ALPK2: variants seen among roughly 807,000 people sequenced by gnomAD.
The protein encoded by ALPK2 is alpha kinase 2, also known as alpha-protein kinase 2.
A neutral mutation model predicts 163.1 loss-of-function variants in ALPK2; 127 were observed. The ratio of observed to expected loss-of-function variants is 0.78; its 90% CI spans 0.67 to 0.90. ALPK2 has a LOEUF of 0.90. Ranked by LOEUF, ALPK2 falls within the 40% of genes least tolerant of loss-of-function variation. The pLI is 0.00. For synonymous variants in ALPK2, 953 were observed against 959.1 expected, an observed-to-expected ratio of 0.99 and a Z score of 0.12; for missense variants, 2,360 against 2,589.6, an observed-to-expected ratio of 0.91 and a Z score of 1.92.
chr18:58,538,827 G>GT (rs201703401), intron 4 of ALPK2, among the ~76,000 whole-genome samples: 126 of 152,208 alleles, frequency 8.3e-4, no homozygotes, highest in African/African-American at 2.8e-3. Context: ...TCCCTCAGGG[G>GT]TGGGGGGAAT....
chr18:58,583,590 A>G (rs12455005), intron 3 of ALPK2, among the ~76,000 whole-genome samples: 47,977 of 151,818 alleles, frequency 0.32, 8,290 homozygotes, highest in East Asian at 0.59. Context: ...GAAGTGGGAG[A>G]ATCAGTTGAG....
intron 1 of ALPK2, among the ~76,000 whole-genome samples, chr18:58,624,838 C>T (rs796083447): frequency 1.2e-4 from 18 of 152,308 alleles, no homozygotes; most frequent in African/African-American, 4.3e-4. Context: ...TTTGGCTCTC[C>T]ATTCCAGATC....
At position 58,622,302 on chromosome 18, in the gene ALPK2, G is replaced by T. The variant is rs145555193; in HGVS notation, c.-21+6462C>A. The stretch of plus-strand genomic sequence containing the variant: ...ATGGAGGTTATAGTGAGCCGAGATC[G>T]CACCATTGCACTCCAGCCTGGCCAA... On this transcript the variant is annotated intron_variant, in intron 1 of 12. Coordinates refer to ENST00000361673, the MANE Select transcript of ALPK2 (RefSeq NM_052947.4). Among the ~76,000 whole-genome samples, 323 of 152,120 alleles carry T rather than the reference G, an allele frequency of 2.1e-3. 1 individual carries two copies. The highest frequency in any genetic ancestry group is 7.3e-3 in the African/African-American group (304 of 41,470).
At chr18:58,576,115 TGTAATCC>T (rs1323408689) in intron 4 of ALPK2, among the ~76,000 whole-genome samples, 1 of 152,188 alleles carries the variant, frequency 6.6e-6, no homozygotes, top group Non-Finnish European at 1.5e-5. Flanking sequence ...GGCTCATGCC[TGTAATCC>T]CAGCACTTTG....
chr18:58,587,519 GA>G (rs1311986904), intron 3 of ALPK2, among the ~76,000 whole-genome samples: 2 of 152,130 alleles, frequency 1.3e-5, no homozygotes, highest in Non-Finnish European at 2.9e-5. Flanking sequence ...AAAAAAGTAT[GA>G]GAATGGTGTT....
chr18:58,515,840 T>G (rs112980724), intron 9 of ALPK2, among the ~76,000 whole-genome samples: 57 of 152,344 alleles, frequency 3.7e-4, no homozygotes, highest in African/African-American at 1.3e-3. Flanking sequence ...TTTAGATGTT[T>G]ATGGTAAACA....
chr18:58,604,715 G>C (rs940090187), intron 3 of ALPK2, among the ~76,000 whole-genome samples: 1 of 152,174 alleles, frequency 6.6e-6, no homozygotes, highest in Non-Finnish European at 1.5e-5. Context: ...TTTCAAAATG[G>C]CAGCCCAGGA....
At chr18:58,506,666 T>C (rs1016032308) in intron 10 of ALPK2, among the ~76,000 whole-genome samples, 2 of 152,158 alleles carry the variant, frequency 1.3e-5, no homozygotes, top group Non-Finnish European at 2.9e-5. Flanking sequence ...GCCCAGCACA[T>C]AGTAAATGCT....
intron 10 of ALPK2, among the ~76,000 whole-genome samples, chr18:58,510,455 A>C (rs1028530653): frequency 4.6e-5 from 7 of 152,188 alleles, no homozygotes; most frequent in African/African-American, 1.7e-4. Context: ...GACGGCATTG[A>C]ATCTATAAAT....
chr18:58,494,067 T>C (rs967664109), intron 12 of ALPK2, among the ~76,000 whole-genome samples: 1 of 152,196 alleles, frequency 6.6e-6, no homozygotes, highest in Non-Finnish European at 1.5e-5. Flanking sequence ...TCGGCTCCAC[T>C]GCACGCATGG....
chr18:58,537,141 C>T lies in ALPK2; in HGVS notation c.3046G>A (p.Glu1016Lys), dbSNP rs184186856. 2.0e-5 allele frequency: 33 copies of T among 1,614,002 alleles called. No individual in the cohort carries two copies. Among genetic ancestry groups the T allele is most frequent in the Middle Eastern group, 3.3e-4 (2 of 6,060 alleles). Residue 1016 changes from glutamate (E) to lysine (K), a missense_variant, in exon 5 of 13, where the codon GAA becomes AAA. By Grantham distance (56) the Glu-to-Lys change is moderately conservative. Transcript: ENST00000361673. ...EDTSTVTIAT[E>K]VHPAKYLAVS... The stretch of plus-strand genomic sequence containing the variant: ...GCAAGGTATTTGGCTGGGTGGACTT[C>T]GGTGGCAATGGTAACAGTTGATGTG...
intron 12 of ALPK2, among the ~76,000 whole-genome samples, chr18:58,494,038 A>G (rs1009211846): frequency 2.0e-5 from 3 of 152,104 alleles, no homozygotes; most frequent in African/African-American, 7.2e-5. Flanking sequence ...CTGGCTGGAG[A>G]GAAGCATGAG....
chr18:58,612,194 C>T (rs1281982956), intron 1 of ALPK2, among the ~76,000 whole-genome samples: 1 of 152,126 alleles, frequency 6.6e-6, no homozygotes, highest in East Asian at 1.9e-4. Context: ...CCAGAGCACC[C>T]AGAGTTCCAA....
intron 3 of ALPK2, among the ~76,000 whole-genome samples, chr18:58,585,365 T>G (rs921214680): frequency 2.0e-5 from 3 of 152,224 alleles, no homozygotes; most frequent in Non-Finnish European, 2.9e-5. Flanking sequence ...AATATATTTT[T>G]CCAAGGCAAA....
chr18:58,497,955 A>ATTCACT, intron 12 of ALPK2, 94 bp downstream of exon 12: 3 of 1,119,178 alleles, frequency 2.7e-6, no homozygotes, highest in Admixed American at 1.8e-5. Context: ...AGGACAAGAA[A>ATTCACT]TTCACTTTGC....
intron 10 of ALPK2, among the ~76,000 whole-genome samples, chr18:58,511,144 C>T (rs2051488091): frequency 6.6e-6 from 1 of 152,156 alleles, no homozygotes; most frequent in Non-Finnish European, 1.5e-5. Context: ...TTGAGATAAT[C>T]ATGTGGTTTT....
chr18:58,582,669 C>T (rs887216084), intron 3 of ALPK2, among the ~76,000 whole-genome samples: 3 of 151,924 alleles, frequency 2.0e-5, no homozygotes, highest in African/African-American at 4.8e-5. Flanking sequence ...AACAAGTGCC[C>T]GAGGTAGTCA....
In ALPK2 at chr18:58,536,219, A is replaced by T; in HGVS notation, c.3968T>A (p.Val1323Glu). 1 of 1,614,214 alleles carries T rather than the reference A, an allele frequency of 6.2e-7. No homozygotes were observed. The highest frequency in any genetic ancestry group is 8.5e-7 in the Non-Finnish European group (1 of 1,180,040). ...CCGGGAAGAAAGACTTCTCCAATGTACACTGATGGTGGGCTCTTCGCCTTT... is the reference window on the plus strand; with the variant it reads ...CCGGGAAGAAAGACTTCTCCAATGTTCACTGATGGTGGGCTCTTCGCCTTT... The part of the protein sequence containing the change: ...SHKGEEPTIS[V>E]HWRSLSSRGF... Residue 1323 changes from valine (V) to glutamate (E), a missense_variant, in exon 5 of 13, where the codon GTA becomes GAA. Transcript: ENST00000361673.
chr18:58,603,537 C>T (rs999119113), intron 3 of ALPK2, among the ~76,000 whole-genome samples: 30 of 152,222 alleles, frequency 2.0e-4, no homozygotes, highest in Non-Finnish European at 3.1e-4. Context: ...TTCCTCCGCC[C>T]CCTTCCCCTT....
Sources: allele counts gnomAD v4.1 joint callset (sites outside exome capture counted in the v4.1 genomes callset), GRCh38; gene constraint gnomAD v4.1.1; transcripts MANE v1.5; gene names NCBI Gene and HGNC (gene_info 2026-07-23, HGNC 2026-07-21).